Variants in KCNJ10 observed in about 807,000 individuals in gnomAD.
KCNJ10 encodes the protein potassium inwardly rectifying channel subfamily J member 10.
Under a neutral mutation model 22.2 loss-of-function variants are expected in KCNJ10, and 9 were observed. The observed-to-expected ratio is 0.40, with a 90% CI of 0.24 to 0.71. The LOEUF (loss-of-function observed/expected upper bound fraction) is 0.71. KCNJ10 is among the 30% of genes least tolerant of loss of function. The pLI, the probability that KCNJ10 is intolerant of heterozygous loss-of-function variation, is 0.35. For synonymous variants in KCNJ10, 184 were observed against 187.3 expected, an observed-to-expected ratio of 0.98 and a Z score of 0.15; for missense variants, 337 against 482.7, an observed-to-expected ratio of 0.70 and a Z score of 2.83.
In KCNJ10 at chr1:160,052,280, G is replaced by A. The variant is rs138496407; in HGVS notation, c.1-9748C>T. On this transcript the variant is annotated intron_variant, in intron 1 of 1. Coordinates refer to ENST00000644903, the MANE Select transcript of KCNJ10 (RefSeq NM_002241.5). ...TGAAGGTCTTTCTGAACCAATCACT[G>A]TTTGGTAAAGACAAATGAATAGGTG... is the stretch of plus-strand genomic sequence containing the variant. Among the ~76,000 whole-genome samples, 132 of 152,318 alleles carry A rather than the reference G, an allele frequency of 8.7e-4. 4 individuals carry two copies. In the East Asian group the frequency reaches 0.021, roughly 24 times the overall value.
At chr1:160,060,692 T>C (rs911084024) in intron 1 of KCNJ10, among the ~76,000 whole-genome samples, 1 of 152,180 alleles carries the variant, frequency 6.6e-6, no homozygotes, top group Non-Finnish European at 1.5e-5. Flanking sequence ...CTCAAGTCTC[T>C]GGGATCCCAA....
intron 1 of KCNJ10, among the ~76,000 whole-genome samples, chr1:160,062,200 C>A (rs555639357): frequency 4.6e-5 from 7 of 152,168 alleles, no homozygotes; most frequent in South Asian, 2.1e-4. Context: ...TCCTGCCCAT[C>A]CCCCCTGGCC....
At chr1:160,061,025 CG>C (rs1399156059) in intron 1 of KCNJ10, among the ~76,000 whole-genome samples, 2 of 152,070 alleles carry the variant, frequency 1.3e-5, no homozygotes, top group African/African-American at 4.8e-5. Context: ...AAGTGACCTT[CG>C]GAGGTTCTTT....
chr1:160,058,872 C>T (rs1649111911), intron 1 of KCNJ10, among the ~76,000 whole-genome samples: 1 of 152,184 alleles, frequency 6.6e-6, no homozygotes, highest in Admixed American at 6.5e-5. Context: ...AACACTCTTC[C>T]TTTCCCACTT....
chr1:160,049,082 T>C (rs1648816737), intron 1 of KCNJ10, among the ~76,000 whole-genome samples: 1 of 152,236 alleles, frequency 6.6e-6, no homozygotes, highest in Non-Finnish European at 1.5e-5. Context: ...ATGAGGAAAC[T>C]GAGGCTCAGA....
rs930429118 is a variant in KCNJ10, at chr1:160,041,181, T to G, written c.*212A>C. On this transcript the variant is annotated 3_prime_UTR_variant, in exon 2 of 2. Coordinates refer to ENST00000644903, the MANE Select transcript of KCNJ10 (RefSeq NM_002241.5). This position sits in a 1 kb window ranked among gnomAD's most constrained non-coding sequence, Gnocchi z 4.4. ...TCCTGGCTTAAGGGAGGTATGTGTA[T>G]TGGGGCAGAAGCTGGGGAAGTGGAA... 4.9e-6 allele frequency: 3 copies of G among 608,754 alleles called. No homozygotes were observed. The highest frequency in any genetic ancestry group is 2.7e-5 in the Admixed American group (1 of 36,840). The allele number at this position is 608,754 out of a possible 1,614,324, so 37.7% of individuals were successfully genotyped here.
At chr1:160,049,405 A>T (rs142987637) in intron 1 of KCNJ10, among the ~76,000 whole-genome samples, 87 of 151,706 alleles carry the variant, frequency 5.7e-4, no homozygotes, top group Non-Finnish European at 1.0e-3. Flanking sequence ...GCCTTCCATG[A>T]TCCTGCACTT....
At chr1:160,044,803 T>A (rs1648701642) in intron 1 of KCNJ10, 1 of 152,092 alleles carries the variant, frequency 6.6e-6, no homozygotes, top group Non-Finnish European at 1.5e-5. Flanking sequence ...TCACTTGAGA[T>A]CAGAAGTTCA....
chr1:160,069,078 G>C (rs553423292), intron 1 of KCNJ10, among the ~76,000 whole-genome samples: 1 of 152,322 alleles, frequency 6.6e-6, no homozygotes, highest in Admixed American at 6.5e-5. Context: ...GCCTCTTTGG[G>C]GTCCAAATCT....
rs1458436513 is a variant in KCNJ10, at chr1:160,037,702, G to A, written c.*3691C>T. On this transcript the variant is annotated 3_prime_UTR_variant, in exon 2 of 2. Coordinates refer to ENST00000644903, the MANE Select transcript of KCNJ10 (RefSeq NM_002241.5). ...AGTGTGTTACTGTACAAGTGAACTA[G>A]GTTAGCTAGCAAGAATAAAGGACCA... 1 of 152,206 alleles carries A rather than the reference G, an allele frequency of 6.6e-6. No homozygotes were observed. Among genetic ancestry groups the A allele is most frequent in the Non-Finnish European group, 1.5e-5 (1 of 68,062 alleles). The allele number at this position is 152,206 out of a possible 1,614,324, so 9.4% of individuals were successfully genotyped here. A position where few individuals can be genotyped will look rare whatever the true frequency, so the allele number is the denominator to read the frequency against.
At chr1:160,063,795 C>T (rs1338499513) in intron 1 of KCNJ10, among the ~76,000 whole-genome samples, 1 of 152,238 alleles carries the variant, frequency 6.6e-6, no homozygotes, top group Non-Finnish European at 1.5e-5. Flanking sequence ...TGGATCTCCT[C>T]TGCAGCTCCC....
intron 1 of KCNJ10, among the ~76,000 whole-genome samples, chr1:160,049,743 T>C (rs1286384154): frequency 1.6e-5 from 2 of 124,532 alleles, no homozygotes; most frequent in Admixed American, 1.9e-4. Flanking sequence ...ATTAGCACAA[T>C]GTATGACACA....
intron 1 of KCNJ10, among the ~76,000 whole-genome samples, chr1:160,060,528 A>G (rs1305026586): frequency 6.6e-6 from 1 of 152,166 alleles, no homozygotes; most frequent in East Asian, 1.9e-4. Flanking sequence ...TCTCCCATGC[A>G]ATTTTGATGG....
At chr1:160,066,458 A>G (rs1649323941) in intron 1 of KCNJ10, among the ~76,000 whole-genome samples, 1 of 152,208 alleles carries the variant, frequency 6.6e-6, no homozygotes, top group African/African-American at 2.4e-5. Flanking sequence ...AGGAAAGATG[A>G]CACAGTAGAA....
intron 1 of KCNJ10, among the ~76,000 whole-genome samples, chr1:160,062,951 A>G (rs1376233277): frequency 2.0e-5 from 3 of 152,098 alleles, no homozygotes; most frequent in Non-Finnish European, 2.9e-5. Flanking sequence ...GTTAGGGACA[A>G]GAGTCGCCTG....
intron 1 of KCNJ10, among the ~76,000 whole-genome samples, chr1:160,066,529 C>A (rs1649325447): frequency 6.6e-6 from 1 of 152,158 alleles, no homozygotes; most frequent in African/African-American, 2.4e-5. Context: ...AGACTAAGGA[C>A]CATTCCAAGC....
chr1:160,062,000 C>T (rs886764501), intron 1 of KCNJ10, among the ~76,000 whole-genome samples: 4 of 151,860 alleles, frequency 2.6e-5, no homozygotes, highest in Non-Finnish European at 4.4e-5. Context: ...GCTGGGCATA[C>T]GGAACCGAGA....
intron 1 of KCNJ10, among the ~76,000 whole-genome samples, chr1:160,063,180 C>A (rs1008889100): frequency 6.6e-6 from 1 of 152,234 alleles, no homozygotes; most frequent in East Asian, 1.9e-4. Context: ...CTCATTAATG[C>A]CCTCAGCACC....
At chr1:160,044,216 C>G (rs1347048159) in intron 1 of KCNJ10, among the ~76,000 whole-genome samples, 2 of 152,194 alleles carry the variant, frequency 1.3e-5, no homozygotes, top group Non-Finnish European at 2.9e-5. Context: ...TTTGGAACTT[C>G]CGTTCATGCA....
Sources: gnomAD v4.1 joint callset for allele counts (sites outside exome capture counted in the v4.1 genomes callset) on GRCh38, gnomAD v4.1.1 for gene constraint, Gnocchi (gnomAD v3.1) non-coding constraint, MANE v1.5 for transcripts, NCBI Gene and HGNC (gene_info 2026-07-23, HGNC 2026-07-21) for gene names.